Variants in LEPR observed in about 807,000 individuals in gnomAD.
LEPR encodes leptin receptor, also known as OB receptor.
A neutral mutation model predicts 114.7 loss-of-function variants in LEPR; 56 were observed. The observed-to-expected ratio is 0.49, with a 90% confidence interval of 0.39 to 0.61. The LOEUF is 0.61. Among genes scored for constraint, LEPR ranks in the 20% least tolerant of loss-of-function variants. The pLI is 0.00. For synonymous variants in LEPR, 443 were observed against 461.4 expected (o/e 0.96, Z 0.51); for missense variants, 1,202 against 1,352.9 (o/e 0.89, Z 1.75).
At position 65,461,252 on chromosome 1, in the gene LEPR, G is replaced by A. The variant is rs1646942095; in HGVS notation, c.-21+35874G>A. ...GGCCTCCCAAAGTGCTGGGATTACA[G>A]GCGTGAGCCACCATGCCTGGCCCCA... On this transcript the variant is annotated intron_variant, in intron 2 of 19. Coordinates refer to ENST00000349533, the MANE Select transcript of LEPR (RefSeq NM_002303.6). Among the ~76,000 whole-genome samples, 3 of 152,170 alleles carry A rather than the reference G, an allele frequency of 2.0e-5. No homozygotes were observed. In the South Asian group the frequency reaches 6.2e-4, roughly 31 times the overall value.
intron 2 of LEPR, among the ~76,000 whole-genome samples, chr1:65,454,894 A>G (rs1646845747): frequency 1.3e-5 from 2 of 152,088 alleles, no homozygotes; most frequent in South Asian, 4.2e-4. Context: ...ACTTGGTTCC[A>G]TTCTCCCCGT....
At position 65,601,606 on chromosome 1, in the gene LEPR, A is replaced by T; in HGVS notation, c.1209A>T (p.Gly403=). The part of the protein sequence containing the change: ...FFNLNETKPR[G]KFTYDAVYCC... ...ATCTGAATGAAACCAAACCTCGAGG[A>T]AAGTTTACCTATGATGCAGTGTACT... Residue 403 remains glycine (G), a synonymous_variant, in exon 9 of 20, where the codon GGA becomes GGT. Coordinates refer to ENST00000349533, the MANE Select transcript of LEPR (RefSeq NM_002303.6). The T allele has an allele frequency of 6.2e-7, 1 of 1,613,770 alleles. No homozygotes were observed. The highest frequency in any genetic ancestry group is 8.5e-7 in the Non-Finnish European group (1 of 1,179,754).
At chr1:65,450,912 A>G (rs1328689220) in intron 2 of LEPR, among the ~76,000 whole-genome samples, 3 of 151,464 alleles carry the variant, frequency 2.0e-5, no homozygotes, top group South Asian at 2.1e-4. Context: ...AAGCATTCCT[A>G]TTTCTCCACA....
At chr1:65,488,149 T>C (rs1174516495) in intron 2 of LEPR, among the ~76,000 whole-genome samples, 1 of 91,662 alleles carries the variant, frequency 1.1e-5, no homozygotes, top group Non-Finnish European at 2.0e-5. Context: ...CTCTCCTTCC[T>C]TCCTTCCTTC....
At chr1:65,568,206 T>C (rs965468775) in intron 3 of LEPR, among the ~76,000 whole-genome samples, 8 of 152,234 alleles carry the variant, frequency 5.3e-5, no homozygotes, top group African/African-American at 1.9e-4. Context: ...TTTCTTTCCC[T>C]TAGTAATATG....
chr1:65,445,483 T>G (rs1570461672), intron 2 of LEPR, among the ~76,000 whole-genome samples: 2 of 152,318 alleles, frequency 1.3e-5, no homozygotes, highest in East Asian at 3.9e-4. Flanking sequence ...CACTATGGTG[T>G]AAGACATCAC....
intron 2 of LEPR, among the ~76,000 whole-genome samples, chr1:65,560,142 A>G (rs1279533369): frequency 1.1e-4 from 14 of 122,196 alleles, no homozygotes; most frequent in East Asian, 4.1e-4. Flanking sequence ...GACCTTGGGC[A>G]GTATGGCCAT....
intron 6 of LEPR, among the ~76,000 whole-genome samples, chr1:65,596,153 A>G (rs1221038204): frequency 6.6e-6 from 1 of 152,138 alleles, no homozygotes; most frequent in Non-Finnish European, 1.5e-5. Flanking sequence ...AATAAAGTTA[A>G]GTGGGATTCT....
chr1:65,574,568 C>G (rs1654446292), intron 5 of LEPR, among the ~76,000 whole-genome samples: 1 of 152,188 alleles, frequency 6.6e-6, no homozygotes, highest in Non-Finnish European at 1.5e-5. Flanking sequence ...GTCAGACTAC[C>G]TGGCTGTACC....
chr1:65,440,239 ATTC>A (rs1479341248), intron 2 of LEPR, among the ~76,000 whole-genome samples: 2 of 151,980 alleles, frequency 1.3e-5, no homozygotes, highest in African/African-American at 2.4e-5. Context: ...TCTTTCACTT[ATTC>A]TTTCAAGAAA....
At chr1:65,479,264 A>G (rs1647191325) in intron 2 of LEPR, among the ~76,000 whole-genome samples, 1 of 143,162 alleles carries the variant, frequency 7.0e-6, no homozygotes. Context: ...TTAGTACAGG[A>G]CATATTTTTT....
intron 5 of LEPR, chr1:65,576,794 C>CT (rs34540970): frequency 3.4e-5 from 8 of 236,194 alleles, no homozygotes; most frequent in African/African-American, 7.0e-5. Context: ...ATATGGTCCC[C>CT]TTTTTTTGGA....
At position 65,425,389 on chromosome 1, in the gene LEPR, A is replaced by T; in HGVS notation, c.-21+11A>T. ...CTTAGAGGATTATGGGTAAGTTATCATTTCAAAAAGAACTATTCCTCTTTC... is the reference window on the plus strand; with the variant it reads ...CTTAGAGGATTATGGGTAAGTTATCTTTTCAAAAAGAACTATTCCTCTTTC... On this transcript the variant is annotated intron_variant, in intron 2 of 19. Transcript: ENST00000349533. 2.5e-6 allele frequency: 4 copies of T among 1,589,370 alleles called. No homozygotes were observed. The highest frequency in any genetic ancestry group is 3.4e-6 in the Non-Finnish European group (4 of 1,171,562).
intron 2 of LEPR, among the ~76,000 whole-genome samples, chr1:65,460,345 A>G (rs111543640): frequency 5.3e-5 from 8 of 152,132 alleles, no homozygotes; most frequent in African/African-American, 1.7e-4. Flanking sequence ...ATGGCTCTGT[A>G]CCACCACCTC....
At chr1:65,426,914 C>T (rs1166525131) in intron 2 of LEPR, among the ~76,000 whole-genome samples, 1 of 152,150 alleles carries the variant, frequency 6.6e-6, no homozygotes, top group East Asian at 1.9e-4. Flanking sequence ...AGGAGAATTG[C>T]TTGAACACAG....
At chr1:65,530,182 T>G (rs1208399328) in intron 2 of LEPR, among the ~76,000 whole-genome samples, 1 of 152,194 alleles carries the variant, frequency 6.6e-6, no homozygotes. Context: ...TTCAAGTTAG[T>G]TAGGCCCCAA....
chr1:65,640,793 G>T lies in LEPR; in HGVS notation c.*3778G>T, dbSNP rs1178813065. The T allele has an allele frequency of 8.0e-6, 1 of 125,280 alleles. No homozygotes were observed. Among genetic ancestry groups the T allele is most frequent in the East Asian group, 2.2e-4 (1 of 4,456 alleles). The allele number at this position is 125,280 out of a possible 1,614,324, so 7.8% of individuals were successfully genotyped here. ...TTTTTTTTTTTTTTTAGGAAGTCTT[G>T]CTCTGTTGCCCAGCTGGAGTGCAGT... On this transcript the variant is annotated 3_prime_UTR_variant, in exon 20 of 20. Transcript: ENST00000349533.
chr1:65,531,977 G>T (rs974430641), intron 2 of LEPR, among the ~76,000 whole-genome samples: 2 of 152,132 alleles, frequency 1.3e-5, no homozygotes, highest in Non-Finnish European at 2.9e-5. Context: ...TTTTAGTGTG[G>T]ATTCACCAAT....
chr1:65,474,832 C>G (rs1022776555), intron 2 of LEPR, among the ~76,000 whole-genome samples: 1 of 151,328 alleles, frequency 6.6e-6, no homozygotes, highest in Admixed American at 6.6e-5. Context: ...ATAGTGAAAC[C>G]CTGTCTCTAT....
Sources: allele counts gnomAD v4.1 joint callset (sites outside exome capture counted in the v4.1 genomes callset), GRCh38; gene constraint gnomAD v4.1.1; transcripts MANE v1.5; gene names NCBI Gene and HGNC (gene_info 2026-07-23, HGNC 2026-07-21).